Variants in GLRA2 observed in about 807,000 individuals in gnomAD.
GLRA2 encodes the protein glycine receptor subunit alpha-2.
GLRA2 carries 11 observed loss-of-function variants against 31.6 expected under a neutral mutation model. That is an observed-to-expected ratio of 0.35 (90% CI 0.22 to 0.58). The LOEUF (loss-of-function observed/expected upper bound fraction) is 0.58. Ranked by LOEUF, GLRA2 falls within the 20% of genes least tolerant of loss-of-function variation. The probability of loss-of-function intolerance (pLI) is 0.84; values close to 1 mark genes in which losing one functional copy is unlikely to be tolerated. For synonymous variants in GLRA2, 132 were observed against 134.0 expected, an observed-to-expected ratio of 0.99 and a Z score of 0.10; for missense variants, 212 against 351.8, an observed-to-expected ratio of 0.60 and a Z score of 3.18.
chrX:14,613,914 A>G (rs2090428036), intron 7 of GLRA2, among the ~76,000 whole-genome samples: 1 of 111,708 alleles, frequency 9.0e-6, no homozygotes, highest in African/African-American at 3.3e-5. Context: ...GAATGTACAA[A>G]CGTGTATTTT....
chrX:14,639,216 G>A (rs2090747253), intron 7 of GLRA2, among the ~76,000 whole-genome samples: 1 of 111,205 alleles, frequency 9.0e-6, no homozygotes, highest in Non-Finnish European at 1.9e-5. Context: ...TCTTCCTCAA[G>A]GAGTCACTCA....
At chrX:14,570,792 G>A (rs2089872118) in intron 2 of GLRA2, among the ~76,000 whole-genome samples, 1 of 111,591 alleles carries the variant, frequency 9.0e-6, no homozygotes, top group Non-Finnish European at 1.9e-5. Context: ...GGGTTTCTAA[G>A]ACAAATACCT....
At position 14,611,891 on chromosome X, in the gene GLRA2, G is replaced by C. The variant is rs374713071; in HGVS notation, c.930+2686G>C. The stretch of plus-strand genomic sequence containing the variant: ...TGGTGCAAAAGTAATTCTGGCTTTT[G>C]TCATTAACAGTAATGGCAAATATCG... On this transcript the variant is annotated intron_variant, in intron 7 of 8. Transcript: ENST00000218075. Among the ~76,000 whole-genome samples the C allele has an allele frequency of 3.9e-4, 44 of 112,082 alleles. No individual in the cohort carries two copies. In the South Asian group the frequency reaches 0.016, roughly 42 times the overall value.
the GLRA2 span, among the ~76,000 whole-genome samples, chrX:14,463,264 G>A: frequency 3.6e-5 from 4 of 111,346 alleles, no homozygotes; most frequent in African/African-American, 1.3e-4. Context: ...GTGTCTGTCG[G>A]CACCTACTGG....
At chrX:14,520,595 C>T in the GLRA2 span, among the ~76,000 whole-genome samples, 27 of 112,200 alleles carry the variant, frequency 2.4e-4, no homozygotes, top group African/African-American at 7.4e-4. Context: ...ATTTTTCTGA[C>T]TTCTAAACAA....
chrX:14,493,516 TATAC>T, the GLRA2 span, among the ~76,000 whole-genome samples: 4 of 73,489 alleles, frequency 5.4e-5, no homozygotes, highest in South Asian at 5.7e-4. Flanking sequence ...TATATATATA[TATAC>T]ACACATATAT....
At chrX:14,632,551 T>G (rs1220450699) in intron 7 of GLRA2, among the ~76,000 whole-genome samples, 1 of 111,892 alleles carries the variant, frequency 8.9e-6, no homozygotes, top group Non-Finnish European at 1.9e-5. Context: ...ATTAATATTC[T>G]AATAGAAATC....
At chrX:14,563,296 T>C (rs60152187) in intron 2 of GLRA2, among the ~76,000 whole-genome samples, 1,914 of 112,146 alleles carry the variant, frequency 0.017, 51 homozygotes, top group African/African-American at 0.059. Flanking sequence ...GGTTGATTGG[T>C]TGCTTTGTAT....
chrX:14,671,694 G>C (rs932494276), intron 7 of GLRA2, among the ~76,000 whole-genome samples: 4 of 112,435 alleles, frequency 3.6e-5, no homozygotes, highest in Admixed American at 9.4e-5. Flanking sequence ...AGCTTGGGGT[G>C]AGTTGCTGAG....
the GLRA2 span, among the ~76,000 whole-genome samples, chrX:14,468,007 G>A: frequency 6.3e-5 from 7 of 111,738 alleles, no homozygotes; most frequent in South Asian, 7.5e-4. Flanking sequence ...GTTCTAAGGC[G>A]TGAGGGTGCA....
At chrX:14,528,261 T>C (rs912463373), upstream of GLRA2, among the ~76,000 whole-genome samples, 3 of 112,503 alleles carry the variant, frequency 2.7e-5, no homozygotes, top group Non-Finnish European at 5.6e-5. Flanking sequence ...CATTAAAAGG[T>C]AAAAAGAACT....
At chrX:14,682,964 A>G (rs1280702117) in intron 7 of GLRA2, among the ~76,000 whole-genome samples, 37 of 111,259 alleles carry the variant, frequency 3.3e-4, no homozygotes, top group African/African-American at 1.1e-3. Context: ...TGGACATTTG[A>G]GTTGGTTCCA....
chrX:14,669,573 G>A (rs369172866), intron 7 of GLRA2, among the ~76,000 whole-genome samples: 24 of 111,454 alleles, frequency 2.2e-4, no homozygotes, highest in African/African-American at 7.5e-4. Context: ...CTTGACTTTT[G>A]TACACTCACA....
the GLRA2 span, among the ~76,000 whole-genome samples, chrX:14,464,879 C>A: frequency 8.9e-6 from 1 of 112,014 alleles, no homozygotes; most frequent in East Asian, 2.8e-4. Context: ...TATGACAGCA[C>A]CATGTTGTTT....
chrX:14,472,677 C>A, the GLRA2 span, among the ~76,000 whole-genome samples: 2 of 111,487 alleles, frequency 1.8e-5, no homozygotes, highest in Non-Finnish European at 3.8e-5. Context: ...TAATGGCTTC[C>A]AGCTCCTGTC....
intron 2 of GLRA2, among the ~76,000 whole-genome samples, chrX:14,542,643 C>T (rs960748890): frequency 1.8e-5 from 2 of 110,434 alleles, no homozygotes; most frequent in Non-Finnish European, 3.8e-5. Flanking sequence ...AAAAAAAAAC[C>T]CTGTGGCAGT....
At chrX:14,547,217 A>G (rs1468124074) in intron 2 of GLRA2, among the ~76,000 whole-genome samples, 2 of 111,408 alleles carry the variant, frequency 1.8e-5, no homozygotes, top group East Asian at 5.7e-4. Context: ...TAGAAAATCC[A>G]TAGTGCAGCT....
the GLRA2 span, among the ~76,000 whole-genome samples, chrX:14,464,231 A>T: frequency 8.9e-6 from 1 of 111,874 alleles, no homozygotes; most frequent in South Asian, 3.7e-4. Flanking sequence ...TGTGCTTTTG[A>T]GGTCTTATTC....
chrX:14,719,325 A>AAT (rs1055150538), intron 8 of GLRA2, among the ~76,000 whole-genome samples: 9 of 111,951 alleles, frequency 8.0e-5, no homozygotes, highest in Non-Finnish European at 1.3e-4. Context: ...CAATATCAAA[A>AAT]ATATACAAGG....
Sources: gnomAD v4.1 joint callset for allele counts (sites outside exome capture counted in the v4.1 genomes callset) on GRCh38, gnomAD v4.1.1 for gene constraint, MANE v1.5 for transcripts, NCBI Gene and HGNC (gene_info 2026-07-23, HGNC 2026-07-21) for gene names.